The following CCDC141 variants were observed in gnomAD, a reference collection of about 807,000 sequenced individuals.
CCDC141 encodes the protein coiled-coil domain containing 141.
A neutral mutation model predicts 181.0 loss-of-function variants in CCDC141; 168 were observed. The observed-to-expected ratio is 0.93, with a 90% CI of 0.82 to 1.05. CCDC141 has a LOEUF of 1.05. Ranked by LOEUF, CCDC141 falls within the 50% of genes least tolerant of loss-of-function variation. CCDC141 has a pLI of 0.00. For missense variants in CCDC141, 1,902 were observed against 1,788.5 expected (o/e 1.06, Z -1.14); for synonymous variants, 666 against 642.3 (o/e 1.04, Z -0.56).
At chr2:178,968,803 G>C (rs1690748571) in intron 4 of CCDC141, among the ~76,000 whole-genome samples, 1 of 151,810 alleles carries the variant, frequency 6.6e-6, no homozygotes. Context: ...CCAGGAGCTG[G>C]GTGTTTGAAA....
chr2:178,935,966 G>A (rs568450701), intron 6 of CCDC141, among the ~76,000 whole-genome samples: 7 of 151,348 alleles, frequency 4.6e-5, no homozygotes, highest in African/African-American at 1.5e-4. Flanking sequence ...TTGTACATTT[G>A]TTTAAGTTCC....
chr2:178,837,095 T>G lies in CCDC141; in HGVS notation c.4124A>C (p.Gln1375Pro), dbSNP rs1359791772. Residue 1375 changes from glutamine (Q) to proline (P), a missense_variant, in exon 23 of 24, where the codon CAA becomes CCA. Physicochemically the swap from Gln to Pro is moderately conservative, Grantham distance 76. Transcript: ENST00000443758. The part of the protein sequence containing the change: ...SSDAFSGLRF[Q>P]SGTSRGYQRQ... Reference sequence around the variant, plus strand: ...CTGATAGCCCCTGCTGGTGCCTGATTGAAACCTGAGGCCCGAGAATGCATC... The same window carrying G: ...CTGATAGCCCCTGCTGGTGCCTGATGGAAACCTGAGGCCCGAGAATGCATC... 1 of 1,614,002 alleles carries G rather than the reference T, an allele frequency of 6.2e-7. No homozygotes were observed. The highest frequency in any genetic ancestry group is 1.7e-5 in the Admixed American group (1 of 59,990).
chr2:178,844,506 A>T (rs1490057279), intron 22 of CCDC141, among the ~76,000 whole-genome samples: 1 of 152,218 alleles, frequency 6.6e-6, no homozygotes, highest in Non-Finnish European at 1.5e-5. Context: ...AGTAGCATCC[A>T]GCAAAATGAC....
intron 10 of CCDC141, among the ~76,000 whole-genome samples, chr2:178,886,528 C>T (rs1402721776): frequency 6.6e-6 from 1 of 152,068 alleles, no homozygotes; most frequent in Non-Finnish European, 1.5e-5. Context: ...GTGTTTAATA[C>T]CCAGCCGTAA....
At chr2:179,016,002 A>C (rs1235111457) in intron 2 of CCDC141, among the ~76,000 whole-genome samples, 1 of 135,714 alleles carries the variant, frequency 7.4e-6, no homozygotes, top group African/African-American at 2.6e-5. Context: ...ATATGATGGA[A>C]TACTACTCAG....
chr2:178,857,561 A>C (rs1393330378), intron 17 of CCDC141, among the ~76,000 whole-genome samples: 2 of 152,206 alleles, frequency 1.3e-5, no homozygotes, highest in African/African-American at 4.8e-5. Context: ...CAAATTTCTA[A>C]GCAGTGCAGT....
At chr2:178,857,781 A>G (rs1685449202) in intron 17 of CCDC141, among the ~76,000 whole-genome samples, 1 of 152,202 alleles carries the variant, frequency 6.6e-6, no homozygotes. Flanking sequence ...AAGCATTAAA[A>G]TTCTTTTCAA....
At chr2:179,042,214 T>C (rs374810990) in intron 2 of CCDC141, among the ~76,000 whole-genome samples, 2 of 152,260 alleles carry the variant, frequency 1.3e-5, no homozygotes, top group East Asian at 1.9e-4. Context: ...CATAACAGTC[T>C]CTCAGACAAT....
chr2:179,040,467 T>G lies in CCDC141; in HGVS notation c.225+6817A>C, dbSNP rs77087552. 2.5e-3 allele frequency among the ~76,000 whole-genome samples: 380 copies of G among 152,328 alleles called. 12 individuals are homozygous for G. In the East Asian group the frequency reaches 0.068, roughly 27 times the overall value. ...GTGCTATGGTGGTTTGCTGTACAGA[T>G]CATCCCATCACCCAAGTATTAACCC... is the stretch of plus-strand genomic sequence containing the variant. On this transcript the variant is annotated intron_variant, in intron 2 of 23. Transcript: ENST00000443758.
chr2:178,908,495 G>T lies in CCDC141; in HGVS notation c.1093-2994C>A, dbSNP rs374803850. 2.7e-3 allele frequency among the ~76,000 whole-genome samples: 415 copies of T among 152,196 alleles called. 3 individuals are homozygous for T. Among genetic ancestry groups the T allele is most frequent in the Non-Finnish European group, 5.4e-3 (364 of 67,996 alleles). On this transcript the variant is annotated intron_variant, in intron 7 of 23. Coordinates refer to ENST00000443758, the MANE Select transcript of CCDC141 (RefSeq NM_173648.4). ...GTGTGAGCCACCGCGCCCAGCCGAG[G>T]GTTAGTTTTAAAGTCAAATGCCTAA...
chr2:179,015,087 T>TC lies in CCDC141; in HGVS notation c.225+32196_225+32197insG, dbSNP rs1553502729. Among the ~76,000 whole-genome samples, 23 of 46,312 alleles carry TC rather than the reference T, an allele frequency of 5.0e-4. 1 individual carries two copies. Among genetic ancestry groups the TC allele is most frequent in the African/African-American group, 1.6e-3 (23 of 14,648 alleles). The allele number at this position is 46,312 out of a possible 152,430, so 30.4% of individuals were successfully genotyped here. Reference sequence around the variant, plus strand: ...ACAGAGATATATATATATATATATATATATATATATATATATAATATATAT... The same window carrying TC: ...ACAGAGATATATATATATATATATATCATATATATATATATATAATATATAT... On this transcript the variant is annotated intron_variant, in intron 2 of 23. Transcript: ENST00000443758.
intron 17 of CCDC141, among the ~76,000 whole-genome samples, chr2:178,864,628 T>C (rs866362549): frequency 7.9e-5 from 12 of 152,212 alleles, no homozygotes; most frequent in Admixed American, 1.3e-4. Flanking sequence ...ACTCTTGCTC[T>C]CTTCCCCTCT....
intron 6 of CCDC141, among the ~76,000 whole-genome samples, chr2:178,920,684 A>G (rs925203300): frequency 1.4e-5 from 2 of 140,114 alleles, no homozygotes; most frequent in East Asian, 4.3e-4. Flanking sequence ...TGATCATGTC[A>G]CTGAACTCCA....
At chr2:178,952,230 C>T (rs552174774) in intron 5 of CCDC141, among the ~76,000 whole-genome samples, 4 of 152,124 alleles carry the variant, frequency 2.6e-5, no homozygotes, top group Middle Eastern at 6.8e-3. Flanking sequence ...TGGGATATGG[C>T]CAGTGTGTCT....
chr2:178,973,385 T>G (rs959818811), intron 4 of CCDC141, among the ~76,000 whole-genome samples: 4 of 152,166 alleles, frequency 2.6e-5, no homozygotes, highest in South Asian at 4.1e-4. Flanking sequence ...ATCATAAAAA[T>G]AAACTATGTT....
chr2:178,865,710 C>T (rs577147823), intron 17 of CCDC141, 57 bp downstream of exon 17: 2 of 1,396,606 alleles, frequency 1.4e-6, no homozygotes, highest in African/African-American at 1.5e-5. Flanking sequence ...TAGACACATG[C>T]TTTAGGTTCA....
intron 19 of CCDC141, 64 bp from the exon 20 acceptor site, chr2:178,853,688 G>C: frequency 3.6e-6 from 5 of 1,384,188 alleles, no homozygotes; most frequent in Non-Finnish European, 4.9e-6. Flanking sequence ...TCTTAATTTT[G>C]ACCAGTGAAG....
intron 5 of CCDC141, among the ~76,000 whole-genome samples, chr2:178,951,849 G>T (rs1372054065): frequency 6.6e-6 from 1 of 152,182 alleles, no homozygotes; most frequent in African/African-American, 2.4e-5. Context: ...CCTTCCAAAG[G>T]AGGCACACTC....
intron 5 of CCDC141, among the ~76,000 whole-genome samples, chr2:178,949,525 A>C (rs1484973288): frequency 6.6e-6 from 1 of 152,232 alleles, no homozygotes; most frequent in Non-Finnish European, 1.5e-5. Flanking sequence ...TGCAGAAAGA[A>C]AGGATTCTGG....
Sources: allele counts gnomAD v4.1 joint callset (sites outside exome capture counted in the v4.1 genomes callset), GRCh38; gene constraint gnomAD v4.1.1; transcripts MANE v1.5; gene names NCBI Gene and HGNC (gene_info 2026-07-23, HGNC 2026-07-21).